TMX3: variants seen among roughly 807,000 people sequenced by gnomAD.
The protein encoded by TMX3 is thioredoxin related transmembrane protein 3.
In TMX3, 40 loss-of-function variants were observed where a neutral mutation model predicts 64.4. That is an observed-to-expected ratio of 0.62 (90% CI 0.48 to 0.81). The LOEUF is 0.81. TMX3 is among the 30% of genes least tolerant of loss of function. The pLI is 0.00. For missense variants in TMX3, 497 were observed against 534.5 expected (o/e 0.93, Z 0.69); for synonymous variants, 189 against 175.7 (o/e 1.08, Z -0.60).
intron 4 of TMX3, among the ~76,000 whole-genome samples, chr18:68,706,619 A>G (rs1250996012): frequency 6.6e-6 from 1 of 152,112 alleles, no homozygotes. Context: ...TGATACCGCA[A>G]CTGTCTGAAA....
At position 68,715,086 on chromosome 18, in the gene TMX3, G is replaced by C; in HGVS notation, c.-105C>G. Reference sequence around the variant, plus strand: ...AAGGGAAACGGAGCCGACCCGGAGCGGAAGAGAAGCACCGCGCTAACTACG... The same window carrying C: ...AAGGGAAACGGAGCCGACCCGGAGCCGAAGAGAAGCACCGCGCTAACTACG... On this transcript the variant is annotated 5_prime_UTR_variant, in exon 1 of 16. Coordinates refer to ENST00000299608, the MANE Select transcript of TMX3 (RefSeq NM_019022.5). 2.0e-6 allele frequency: 3 copies of C among 1,535,192 alleles called. No homozygotes were observed. The highest frequency in any genetic ancestry group is 2.6e-6 in the Non-Finnish European group (3 of 1,138,716).
At position 68,680,942 on chromosome 18, in the gene TMX3, CT is replaced by C. The variant is rs568931664; in HGVS notation, c.1035+38del. On this transcript the variant is annotated intron_variant, in intron 14 of 15. Coordinates refer to ENST00000299608, the MANE Select transcript of TMX3 (RefSeq NM_019022.5). ...AATGAACTAGTTTCTCCTCTACCCC[CT>C]GTCCATCATCTCTTTGAAACAGAAG... The C allele has an allele frequency of 3.4e-5, 52 of 1,525,730 alleles. No individual in the cohort carries two copies. The East Asian group carries it at 8.5e-4, about 25-fold the overall frequency. The allele number at this position is 1,525,730 out of a possible 1,614,324, so 94.5% of individuals were successfully genotyped here. A position where few individuals can be genotyped will look rare whatever the true frequency, so the allele number is the denominator to read the frequency against.
intron 9 of TMX3, among the ~76,000 whole-genome samples, chr18:68,688,131 A>G (rs991724005): frequency 2.0e-4 from 31 of 152,194 alleles, no homozygotes; most frequent in African/African-American, 7.0e-4. Flanking sequence ...AATACAATAC[A>G]TAACAGCATA....
At chr18:68,693,961 A>C (rs1346941859) in intron 8 of TMX3, among the ~76,000 whole-genome samples, 2 of 152,138 alleles carry the variant, frequency 1.3e-5, no homozygotes, top group East Asian at 3.9e-4. Flanking sequence ...AGACTAAGCG[A>C]AACACAGACT....
At chr18:68,704,975 C>T (rs1050173481) in intron 4 of TMX3, among the ~76,000 whole-genome samples, 4 of 152,168 alleles carry the variant, frequency 2.6e-5, no homozygotes, top group African/African-American at 4.8e-5. Context: ...GTTACTCAAC[C>T]TCTAAAGTCC....
Position 68,710,059 on chromosome 18 carries a change from G to C in TMX3, c.227C>G (p.Pro76Arg). ...VGLEMKSIGS[P>R]VKVGKMDATS... ...AGCATCCATCTTTCCAACCTTAACT[G>C]GAGAACCAATGCTTTTCATCTCAAG... is the stretch of plus-strand genomic sequence containing the variant. Residue 76 changes from proline (P) to arginine (R), a missense_variant, in exon 4 of 16, where the codon CCA becomes CGA. Transcript: ENST00000299608. 6.3e-7 allele frequency: 1 copy of C among 1,598,944 alleles called. No individual in the cohort carries two copies. The highest frequency in any genetic ancestry group is 1.1e-5 in the South Asian group (1 of 88,372).
intron 14 of TMX3, among the ~76,000 whole-genome samples, chr18:68,680,369 T>C (rs1599295415): frequency 6.6e-6 from 1 of 152,162 alleles, no homozygotes; most frequent in African/African-American, 2.4e-5. Context: ...TTCATGACTT[T>C]CTAATATAGG....
intron 10 of TMX3, chr18:68,687,080 C>A (rs1000611697): frequency 3.9e-5 from 38 of 982,152 alleles, no homozygotes; most frequent in Non-Finnish European, 4.5e-5. Context: ...AAATGTGGCA[C>A]CAATAACCAA....
intron 10 of TMX3, chr18:68,687,220 CGTGTTT>C: frequency 1.0e-6 from 1 of 985,328 alleles, no homozygotes; most frequent in Non-Finnish European, 1.2e-6. Flanking sequence ...TTTTTGTATT[CGTGTTT>C]GTGTTTGCGT....
intron 8 of TMX3, among the ~76,000 whole-genome samples, chr18:68,696,432 A>C (rs1295082446): frequency 6.6e-6 from 1 of 151,914 alleles, no homozygotes; most frequent in African/African-American, 2.4e-5. Context: ...TCGGCCTCCC[A>C]AAGTGCTGGG....
At chr18:68,699,562 C>A (rs1915468215) in intron 6 of TMX3, among the ~76,000 whole-genome samples, 1 of 152,046 alleles carries the variant, frequency 6.6e-6, no homozygotes, top group Non-Finnish European at 1.5e-5. Context: ...ATTGTGCCAC[C>A]AACAAACTCA....
At chr18:68,694,095 C>G (rs562462790) in intron 8 of TMX3, among the ~76,000 whole-genome samples, 5 of 152,150 alleles carry the variant, frequency 3.3e-5, no homozygotes, top group Non-Finnish European at 7.3e-5. Flanking sequence ...CTCATTCTTC[C>G]TGGATGCGGG....
rs150227631 is a variant in TMX3 at position 68,677,290 on chromosome 18, C to T, written c.1105-97G>A. 1.5e-3 allele frequency: 1,957 copies of T among 1,348,216 alleles called. 1 individual carries two copies. The highest frequency in any genetic ancestry group is 5.1e-3 in the Middle Eastern group (27 of 5,248). 83.5% of individuals were successfully genotyped at this position (1,348,216 alleles called of 1,614,324 possible). On this transcript the variant is annotated intron_variant, in intron 15 of 15. Coordinates refer to ENST00000299608, the MANE Select transcript of TMX3 (RefSeq NM_019022.5). ...AAACCACTATAGATTTCTCTTGTTG[C>T]TATTCAGCTTGTTTTTAGTTCCAAT...
chr18:68,697,248 G>A lies in TMX3; in HGVS notation c.548C>T (p.Ala183Val). 2 of 1,576,568 alleles carry A rather than the reference G, an allele frequency of 1.3e-6. No individual in the cohort carries two copies. Among genetic ancestry groups the A allele is most frequent in the South Asian group, 1.2e-5 (1 of 83,560 alleles). The change falls in exon 8 of 16, where the codon GCC (alanine) becomes GTC (valine). Residue 183 changes from alanine (A) to valine (V), a missense_variant. Transcript: ENST00000299608. ...TACCTCAGGAACCACTTCTTCTGAGGCAGAAAAGAAGTATGTATATACAAT... is the reference window on the plus strand; with the variant it reads ...TACCTCAGGAACCACTTCTTCTGAGACAGAAAAGAAGTATGTATATACAAT... ...ELIVYTYFFS[A>V]SEEVVPEYVT...
At chr18:68,710,774 T>C (rs1248074380) in intron 3 of TMX3, among the ~76,000 whole-genome samples, 2 of 152,214 alleles carry the variant, frequency 1.3e-5, no homozygotes, top group Non-Finnish European at 2.9e-5. Flanking sequence ...TTTTTAACTT[T>C]ATACTATGAA....
intron 3 of TMX3, among the ~76,000 whole-genome samples, chr18:68,710,390 A>G (rs9963798): frequency 0.05 from 7,680 of 152,270 alleles, 642 homozygotes; most frequent in African/African-American, 0.17. Flanking sequence ...ACTGATTTAA[A>G]ACAGATATAC....
chr18:68,682,465 A>G (rs1244600857), intron 13 of TMX3, among the ~76,000 whole-genome samples: 2 of 152,210 alleles, frequency 1.3e-5, no homozygotes, highest in South Asian at 2.1e-4. Flanking sequence ...AACATTTTCT[A>G]TGTAATAGTC....
chr18:68,706,210 G>A (rs1738756656), intron 4 of TMX3: 1 of 152,230 alleles, frequency 6.6e-6, no homozygotes, highest in South Asian at 2.1e-4. Context: ...AGGTGTTTGG[G>A]ACCAGCCTGG....
intron 8 of TMX3, among the ~76,000 whole-genome samples, chr18:68,696,541 ATCTTG>A (rs1915094035): frequency 6.6e-6 from 1 of 151,758 alleles, no homozygotes; most frequent in Non-Finnish European, 1.5e-5. Context: ...CAGTCGTGCA[ATCTTG>A]TCTCACTGCA....
Sources: allele counts gnomAD v4.1 joint callset (sites outside exome capture counted in the v4.1 genomes callset), GRCh38; gene constraint gnomAD v4.1.1; transcripts MANE v1.5; gene names NCBI Gene and HGNC (gene_info 2026-07-23, HGNC 2026-07-21).